Variants in RAB11FIP3 observed in about 807,000 individuals in gnomAD.
RAB11FIP3 encodes the protein rab11 family-interacting protein 3.
A neutral mutation model predicts 77.8 loss-of-function variants in RAB11FIP3; 17 were observed. The ratio of observed to expected loss-of-function variants is 0.22; its 90% confidence interval spans 0.15 to 0.33. The LOEUF is 0.33. Among genes scored for constraint, RAB11FIP3 ranks in the 10% least tolerant of loss-of-function variants. The pLI is 1.00. For missense variants in RAB11FIP3, 1,005 were observed against 1,011.2 expected (o/e 0.99, Z 0.08); for synonymous variants, 437 against 448.2 (o/e 0.98, Z 0.31).
chr16:488,807 C>G, intron 4 of RAB11FIP3, 44 bp from the exon 5 acceptor site: 2 of 1,594,416 alleles, frequency 1.3e-6, no homozygotes, highest in Non-Finnish European at 1.7e-6. Context: ...TCGGGGGTGC[C>G]CTGGCCTTCA....
At chr16:495,171 A>T (rs976602472) in intron 5 of RAB11FIP3, among the ~76,000 whole-genome samples, 1 of 152,252 alleles carries the variant, frequency 6.6e-6, no homozygotes, top group African/African-American at 2.4e-5. Context: ...AAGGAAAAGA[A>T]TGTCACAGGC....
chr16:491,104 T>C, intron 5 of RAB11FIP3: 3 of 1,280,546 alleles, frequency 2.3e-6, no homozygotes, highest in Non-Finnish European at 3.1e-6. Flanking sequence ...GTCCTCATCC[T>C]CTCCTGAACG....
chr16:517,602 C>T (rs1366687057), intron 9 of RAB11FIP3, among the ~76,000 whole-genome samples: 1 of 152,048 alleles, frequency 6.6e-6, no homozygotes, highest in Non-Finnish European at 1.5e-5. Context: ...TGGATGGGGT[C>T]CCAGAACAGA....
rs113431292 is a variant in RAB11FIP3, at chr16:491,067, C to T, written c.1265+2067C>T. On this transcript the variant is annotated intron_variant, in intron 5 of 13. Coordinates refer to ENST00000262305, the MANE Select transcript of RAB11FIP3 (RefSeq NM_014700.4). The stretch of plus-strand genomic sequence containing the variant: ...TCCTGTCCTGTTCCCCTCGGCCCCT[C>T]GTGCGGAGTCACAGATGACCACACG... 7,755 of 1,244,038 alleles carry T rather than the reference C, an allele frequency of 6.2e-3. 195 individuals are homozygous for T. The African/African-American group carries it at 0.076, about 12-fold the overall frequency. The allele number at this position is 1,244,038 out of a possible 1,614,324, so 77.1% of individuals were successfully genotyped here.
intron 1 of RAB11FIP3, among the ~76,000 whole-genome samples, chr16:450,938 C>T (rs1360235635): frequency 6.7e-6 from 1 of 150,258 alleles, no homozygotes; most frequent in Non-Finnish European, 1.5e-5. Context: ...CAGGAAGGAG[C>T]CCCGCGGCCT....
intron 5 of RAB11FIP3, among the ~76,000 whole-genome samples, chr16:496,554 C>T (rs1321295667): frequency 6.6e-6 from 1 of 152,234 alleles, no homozygotes; most frequent in Non-Finnish European, 1.5e-5. Context: ...GTGGCGCTGG[C>T]CTCTCAGTCG....
chr16:518,997 G>A lies in RAB11FIP3; in HGVS notation c.1695G>A (p.Leu565=). The A allele has an allele frequency of 3.1e-6, 5 of 1,613,640 alleles. No homozygotes were observed. The highest frequency in any genetic ancestry group is 4.2e-6 in the Non-Finnish European group (5 of 1,180,024). ...NSELRSCTPC[L]KANIERLEEE... ...AACTCCGGTCCTGCACGCCCTGTCT[G>A]AAGGCCAACATTGAGCGTCTGGAGG... Residue 565 remains leucine, a synonymous_variant, in exon 10 of 14, where the codon CTG becomes CTA. Transcript: ENST00000262305.
Position 456,663 on chromosome 16 carries a change from C to T in RAB11FIP3, c.715-4741C>T, listed in dbSNP as rs531108184. Among the ~76,000 whole-genome samples, 3 of 152,146 alleles carry T rather than the reference C, an allele frequency of 2.0e-5. No individual in the cohort carries two copies. In the East Asian group the frequency reaches 5.8e-4, roughly 29 times the overall value. On this transcript the variant is annotated intron_variant, in intron 1 of 13. Transcript: ENST00000262305. ...ATCGCAACTACTTGGGAGGCTGAGG[C>T]AGGAGAATCATCCAAACCAGAAGGC...
At chr16:451,271 C>G (rs1224441078) in intron 1 of RAB11FIP3, 2 of 152,292 alleles carry the variant, frequency 1.3e-5, no homozygotes, top group African/African-American at 2.4e-5. Context: ...GGAGTCCCCT[C>G]TGTCCCTGGC....
chr16:497,308 T>TCAC, intron 6 of RAB11FIP3: 1 of 1,304,322 alleles, frequency 7.7e-7, no homozygotes, highest in Non-Finnish European at 1.0e-6. Context: ...ATAGATCTGT[T>TCAC]GGCTTCCTGC....
intron 3 of RAB11FIP3, chr16:482,230 T>G (rs2056056499): frequency 1.9e-6 from 1 of 540,210 alleles, no homozygotes; most frequent in Non-Finnish European, 3.5e-6. Context: ...GTAAGTTTTG[T>G]ATTTTTGGTA....
At chr16:449,397 A>C (rs1320523086) in intron 1 of RAB11FIP3, among the ~76,000 whole-genome samples, 2 of 152,056 alleles carry the variant, frequency 1.3e-5, no homozygotes, top group African/African-American at 4.8e-5. Flanking sequence ...GGTCCTGGAG[A>C]ACCCTCAGGT....
At chr16:490,537 A>G (rs893432915) in intron 5 of RAB11FIP3, among the ~76,000 whole-genome samples, 9 of 152,130 alleles carry the variant, frequency 5.9e-5, no homozygotes, top group Non-Finnish European at 1.0e-4. Flanking sequence ...CGGGTTCACC[A>G]TGTTGCCCAG....
At chr16:478,291 C>T (rs1205082760) in intron 3 of RAB11FIP3, among the ~76,000 whole-genome samples, 1 of 151,508 alleles carries the variant, frequency 6.6e-6, no homozygotes. Flanking sequence ...CTCCTGGGTT[C>T]AAGCGATTCT....
intron 5 of RAB11FIP3, among the ~76,000 whole-genome samples, chr16:492,599 G>C (rs1282743936): frequency 2.8e-5 from 4 of 144,338 alleles, no homozygotes. Context: ...GTTTCTGCCT[G>C]CGTGTGTGTT....
chr16:486,749 G>A (rs1252343628), intron 4 of RAB11FIP3, among the ~76,000 whole-genome samples: 1 of 152,216 alleles, frequency 6.6e-6, no homozygotes, highest in Non-Finnish European at 1.5e-5. Context: ...AGGAGAGGAG[G>A]AGATGGGGTG....
At chr16:428,935 T>C (rs1247826948) in intron 1 of RAB11FIP3, among the ~76,000 whole-genome samples, 1 of 152,076 alleles carries the variant, frequency 6.6e-6, no homozygotes, top group African/African-American at 2.4e-5. Context: ...GGGCAAGGGC[T>C]GGATGACTTG....
chr16:473,824 T>C (rs1433142618), intron 3 of RAB11FIP3, among the ~76,000 whole-genome samples: 1 of 152,190 alleles, frequency 6.6e-6, no homozygotes, highest in African/African-American at 2.4e-5. Context: ...TCCACGATTA[T>C]AGTGTCACAG....
At chr16:442,920 A>G (rs1234895708) in intron 1 of RAB11FIP3, among the ~76,000 whole-genome samples, 1 of 152,068 alleles carries the variant, frequency 6.6e-6, no homozygotes, top group Admixed American at 6.6e-5. Flanking sequence ...TCATTCCAAC[A>G]TCGGGTGGGT....
Sources: gnomAD v4.1 joint callset for allele counts (sites outside exome capture counted in the v4.1 genomes callset) on GRCh38, gnomAD v4.1.1 for gene constraint, MANE v1.5 for transcripts, NCBI Gene and HGNC (gene_info 2026-07-23, HGNC 2026-07-21) for gene names.